TLE2: variants seen among roughly 807,000 people sequenced by gnomAD.
The protein encoded by TLE2 is TLE family member 2, transcriptional corepressor.
A neutral mutation model predicts 97.2 loss-of-function variants in TLE2; 74 were observed. The observed-to-expected ratio is 0.76, with a 90% CI of 0.63 to 0.92. The LOEUF is 0.92. Ranked by LOEUF, TLE2 falls within the 40% of genes least tolerant of loss-of-function variation. The pLI is 0.00. For synonymous variants in TLE2, 499 were observed against 432.1 expected (o/e 1.15, Z -1.92); for missense variants, 1,038 against 1,008.7 (o/e 1.03, Z -0.39).
chr19:3,040,996 T>TATATATATATATATATATATACAC (rs1568256459), intron 1 of TLE2, among the ~76,000 whole-genome samples: 1 of 27,798 alleles, frequency 3.6e-5, no homozygotes, highest in African/African-American at 2.3e-4. Context: ...GCCATTTATA[T>TATATATATATATATATATATACAC]ATATATATAT....
At chr19:3,027,046 A>G (rs2089959237) in intron 4 of TLE2, among the ~76,000 whole-genome samples, 1 of 152,118 alleles carries the variant, frequency 6.6e-6, no homozygotes, top group African/African-American at 2.4e-5. Context: ...TCTATCTCAG[A>G]AAACTGAGGT....
chr19:3,031,342 T>TTGTG (rs60898410), upstream of TLE2, among the ~76,000 whole-genome samples: 3,786 of 139,820 alleles, frequency 0.027, 61 homozygotes, highest in East Asian at 0.065. Context: ...AAAGATACAA[T>TTGTG]TGTGTGTGTG....
intron 1 of TLE2, among the ~76,000 whole-genome samples, chr19:3,042,099 C>CAGGGAGCGT (rs2090108018): frequency 1.3e-5 from 2 of 148,816 alleles, no homozygotes; most frequent in South Asian, 4.3e-4. Flanking sequence ...AGGGGGAGCG[C>CAGGGAGCGT]AGGGAGCGTG....
In TLE2 at chr19:3,015,752, A is replaced by G. The variant is rs1198438592; in HGVS notation, c.579T>C (p.Ser193=). Reference sequence around the variant, plus strand: ...CCACGAGACTCTCAGGGGGCGAGGGAGATGCACTCTGCGGAGAGACAAAGG... The same window carrying G: ...CCACGAGACTCTCAGGGGGCGAGGGGGATGCACTCTGCGGAGAGACAAAGG... ...RVERAPSRSA[S]PSPPESLVEE... is the part of the protein sequence containing the mutation. The change falls in exon 9 of 20, where the codon TCT becomes TCC. Residue 193 remains serine (S), a synonymous_variant. Coordinates refer to ENST00000262953, the MANE Select transcript of TLE2 (RefSeq NM_003260.5). The G allele has an allele frequency of 1.2e-6, 2 of 1,607,830 alleles. No homozygotes were observed. The highest frequency in any genetic ancestry group is 1.7e-6 in the Non-Finnish European group (2 of 1,177,838).
intron 11 of TLE2, among the ~76,000 whole-genome samples, chr19:3,011,779 G>A: frequency 6.6e-6 from 1 of 152,078 alleles, no homozygotes; most frequent in Non-Finnish European, 1.5e-5. Context: ...GAACCCGGGA[G>A]GCAGAGGTTG....
intron 1 of TLE2, among the ~76,000 whole-genome samples, chr19:3,045,552 T>C (rs1301487976): frequency 1.3e-5 from 2 of 152,154 alleles, no homozygotes; most frequent in South Asian, 2.1e-4. Context: ...TGCAGTGGCT[T>C]ACACCTGTAA....
At chr19:3,046,431 C>G (rs927772984), upstream of TLE2, among the ~76,000 whole-genome samples, 3 of 152,220 alleles carry the variant, frequency 2.0e-5, no homozygotes, top group Non-Finnish European at 2.9e-5. Flanking sequence ...CCTCCCCGCC[C>G]CCAACCGGGC....
chr19:3,013,008 C>T (rs1342495727), intron 11 of TLE2, among the ~76,000 whole-genome samples: 3 of 152,110 alleles, frequency 2.0e-5, no homozygotes, highest in African/African-American at 7.2e-5. Flanking sequence ...AATGGGAGCC[C>T]CAACCTCTGG....
At position 3,028,312 on chromosome 19, in the gene TLE2, C is replaced by T. The variant is rs752582454; in HGVS notation, c.186+7G>A. ...TCCCCTCACCCTGGCATCATAAGTGCCCTCACCATGACATAATGTCGCTGC... is the reference window on the plus strand; with the variant it reads ...TCCCCTCACCCTGGCATCATAAGTGTCCTCACCATGACATAATGTCGCTGC... On this transcript the variant is annotated splice_region_variant and intron_variant, in intron 3 of 19. Transcript: ENST00000262953. The T allele has an allele frequency of 8.7e-6, 14 of 1,606,072 alleles. No individual in the cohort carries two copies. Among genetic ancestry groups the T allele is most frequent in the African/African-American group, 2.7e-5 (2 of 74,762 alleles).
chr19:3,025,302 G>T, intron 4 of TLE2: 1 of 1,258,764 alleles, frequency 7.9e-7, no homozygotes, highest in South Asian at 2.0e-5. Context: ...GTGGCCTGGA[G>T]CTGGGAAGAC....
At chr19:3,003,217 G>A (rs2089404051) in intron 17 of TLE2, among the ~76,000 whole-genome samples, 1 of 152,196 alleles carries the variant, frequency 6.6e-6, no homozygotes, top group South Asian at 2.1e-4. Flanking sequence ...CAACAGCACA[G>A]GGAGGAGGGA....
rs749121030 is a variant in TLE2, at chr19:3,028,817, G to A, written c.25-14C>T. On this transcript the variant is annotated splice_polypyrimidine_tract_variant and intron_variant, in intron 1 of 19. Coordinates refer to ENST00000262953, the MANE Select transcript of TLE2 (RefSeq NM_003260.5). Reference sequence around the variant, plus strand: ...CTGGAGCGGGGTCTGGGGGGGGTGTGGGGGAAACGTCAGGGTCTGAGTTCC... The same window carrying A: ...CTGGAGCGGGGTCTGGGGGGGGTGTAGGGGAAACGTCAGGGTCTGAGTTCC... The A allele has an allele frequency of 1.9e-6, 3 of 1,612,262 alleles. No individual in the cohort carries two copies. The highest frequency in any genetic ancestry group is 1.3e-5 in the African/African-American group (1 of 74,986).
rs749904888 is a variant in TLE2, at chr19:3,015,759, C to G, written c.572G>C (p.Ser191Thr). The change falls in exon 9 of 20, where the codon AGT (serine) becomes ACT (threonine). Residue 191 changes from serine to threonine, a missense_variant and splice_region_variant. Transcript: ENST00000262953. ...GSRVERAPSRSASPSPPESLV... is the reference protein window; with the variant it reads ...GSRVERAPSRTASPSPPESLV... ...ACTCTCAGGGGGCGAGGGAGATGCA[C>G]TCTGCGGAGAGACAAAGGCCGGGGG... is the stretch of plus-strand genomic sequence containing the variant. The G allele has an allele frequency of 6.2e-7, 1 of 1,604,826 alleles. No individual in the cohort carries two copies. The highest frequency in any genetic ancestry group is 8.5e-7 in the Non-Finnish European group (1 of 1,176,468).
chr19:3,027,531 T>A (rs1449746784), intron 4 of TLE2, among the ~76,000 whole-genome samples: 1 of 152,216 alleles, frequency 6.6e-6, no homozygotes, highest in Non-Finnish European at 1.5e-5. Context: ...CTGCCCTGCC[T>A]CTGCTATGTG....
At chr19:3,025,810 C>A (rs1286429418) in intron 4 of TLE2, among the ~76,000 whole-genome samples, 1 of 147,844 alleles carries the variant, frequency 6.8e-6, no homozygotes, top group African/African-American at 2.6e-5. Flanking sequence ...TGTCCCGCAC[C>A]CCATAAAGGG....
intron 19 of TLE2, among the ~76,000 whole-genome samples, chr19:2,999,021 C>G (rs560317834): frequency 4.2e-4 from 64 of 152,278 alleles, no homozygotes; most frequent in African/African-American, 1.5e-3. Flanking sequence ...AAAGGGTTGG[C>G]ACGGTGGCTC....
upstream of TLE2, among the ~76,000 whole-genome samples, chr19:3,046,912 TCTCCTCCTCCCCCTCCTCTGCCTCCCC>T (rs1480081506): frequency 1.6e-4 from 5 of 30,888 alleles, no homozygotes; most frequent in Admixed American, 8.8e-4. Flanking sequence ...CCCTCCTCCC[TCTCCTCCTCCCCCTCCTCTGCCTCCCC>T]CTCCTCCTCC....
At position 3,028,797 on chromosome 19, in the gene TLE2, G is replaced by C; in HGVS notation, c.31C>G (p.Leu11Val). 6.2e-7 allele frequency: 1 copy of C among 1,612,694 alleles called. No individual in the cohort carries two copies. Among genetic ancestry groups the C allele is most frequent in the Non-Finnish European group, 8.5e-7 (1 of 1,179,828 alleles). Residue 11 changes from leucine to valine, a missense_variant, in exon 2 of 20, where the codon CTC becomes GTC. Transcript: ENST00000262953. ...AACTTGAAGGGCTGGCCGGACTGGA[G>C]CGGGGTCTGGGGGGGGTGTGGGGGA... is the stretch of plus-strand genomic sequence containing the variant. The part of the protein sequence containing the change: MYPQGRHPTP[L>V]QSGQPFKFSI...
intron 11 of TLE2, among the ~76,000 whole-genome samples, chr19:3,013,329 G>A (rs1178431591): frequency 2.0e-5 from 3 of 152,046 alleles, no homozygotes; most frequent in Non-Finnish European, 4.4e-5. Context: ...AACACATGCA[G>A]GCCTGAGTCC....
Sources: allele counts gnomAD v4.1 joint callset (sites outside exome capture counted in the v4.1 genomes callset), GRCh38; gene constraint gnomAD v4.1.1; transcripts MANE v1.5; gene names NCBI Gene and HGNC (gene_info 2026-07-23, HGNC 2026-07-21).